The following NDST4 variants were observed in gnomAD, a reference collection of about 807,000 sequenced individuals.
The protein encoded by NDST4 is N-deacetylase and N-sulfotransferase 4.
NDST4 carries 63 observed loss-of-function variants against 100.8 expected under a neutral mutation model. The ratio of observed to expected loss-of-function variants is 0.62; its 90% confidence interval spans 0.51 to 0.77. NDST4 has a LOEUF of 0.77. Among genes scored for constraint, NDST4 ranks in the 30% least tolerant of loss-of-function variants. The pLI, the probability that NDST4 is intolerant of heterozygous loss-of-function variation, is 0.00. For synonymous variants in NDST4, 377 were observed against 361.8 expected, an observed-to-expected ratio of 1.04 and a Z score of -0.48; for missense variants, 943 against 1,018.4, an observed-to-expected ratio of 0.93 and a Z score of 1.01.
At chr4:115,030,126 A>T (rs1156772273) in intron 2 of NDST4, among the ~76,000 whole-genome samples, 2 of 152,130 alleles carry the variant, frequency 1.3e-5, no homozygotes, top group Non-Finnish European at 2.9e-5. Context: ...AGTGTTGAAA[A>T]CAAGAAGTTT....
rs200801455 is a variant in NDST4 at position 115,013,346 on chromosome 4, C to CATATATATATATATATATAT, written c.979-36092_979-36073dup. 1.1e-3 allele frequency among the ~76,000 whole-genome samples: 70 copies of CATATATATATATATATATAT among 65,280 alleles called. 1 individual carries two copies. The highest frequency in any genetic ancestry group is 2.6e-3 in the African/African-American group (54 of 20,646). The allele number at this position is 65,280 out of a possible 152,430, so 42.8% of individuals were successfully genotyped here. A position where few individuals can be genotyped will look rare whatever the true frequency, so the allele number is the denominator to read the frequency against. ...ATGTACTCCATAAAAATATAAATAC[C>CATATATATATATATATATAT]ATATATATATATATATATATATATA... On this transcript the variant is annotated intron_variant, in intron 2 of 13. Transcript: ENST00000264363.
chr4:115,108,195 C>A (rs1729871617), intron 1 of NDST4, among the ~76,000 whole-genome samples: 2 of 152,030 alleles, frequency 1.3e-5, no homozygotes, highest in Admixed American at 1.3e-4. Flanking sequence ...GGAGCATATG[C>A]ATCTCTGCAT....
At chr4:114,934,304 A>AAAAGTTGAG (rs1725577756) in intron 6 of NDST4, among the ~76,000 whole-genome samples, 1 of 152,002 alleles carries the variant, frequency 6.6e-6, no homozygotes, top group African/African-American at 2.4e-5. Context: ...AAAAAGTTGA[A>AAAAGTTGAG]CTCTTGGGAG....
chr4:114,833,791 T>C, intron 11 of NDST4, 76 bp from the exon 12 acceptor site: 2 of 857,856 alleles, frequency 2.3e-6, no homozygotes, highest in Non-Finnish European at 3.7e-6. Context: ...CTTTACCTGG[T>C]GTGACATTCA....
intron 2 of NDST4, among the ~76,000 whole-genome samples, chr4:115,026,766 G>A (rs545645268): frequency 3.9e-5 from 6 of 152,126 alleles, no homozygotes; most frequent in African/African-American, 1.4e-4. Context: ...GAAGGTTATT[G>A]TACAGCATAG....
At chr4:114,965,872 A>T (rs1726368695) in intron 4 of NDST4, among the ~76,000 whole-genome samples, 1 of 151,930 alleles carries the variant, frequency 6.6e-6, no homozygotes, top group Admixed American at 6.6e-5. Flanking sequence ...ATTGGGAATA[A>T]GTTTTGGTAA....
intron 7 of NDST4, among the ~76,000 whole-genome samples, chr4:114,854,668 C>T (rs993012404): frequency 6.6e-6 from 1 of 152,140 alleles, no homozygotes; most frequent in African/African-American, 2.4e-5. Context: ...CGGGGTTTCA[C>T]TATGTTAGCC....
At chr4:114,897,578 T>A (rs971927316) in intron 6 of NDST4, among the ~76,000 whole-genome samples, 1 of 152,194 alleles carries the variant, frequency 6.6e-6, no homozygotes, top group Non-Finnish European at 1.5e-5. Context: ...TTTTCAGCTT[T>A]CACTGGTAAA....
Position 114,843,047 on chromosome 4 carries a change from AATCATAT to A in NDST4, c.2115+2769_2115+2775del, listed in dbSNP as rs915859505. 4.1e-4 allele frequency among the ~76,000 whole-genome samples: 62 copies of A among 152,300 alleles called. 1 individual carries two copies. The highest frequency in any genetic ancestry group is 1.3e-3 in the African/African-American group (56 of 41,562). The stretch of plus-strand genomic sequence containing the variant: ...ATATGATGTAGTACTAGACTCATCA[AATCATAT>A]ATCATATATCATATGATATAGTACT... On this transcript the variant is annotated intron_variant, in intron 10 of 13. Coordinates refer to ENST00000264363, the MANE Select transcript of NDST4 (RefSeq NM_022569.3).
At chr4:114,828,949 C>A (rs572808811) in intron 13 of NDST4, among the ~76,000 whole-genome samples, 1 of 151,974 alleles carries the variant, frequency 6.6e-6, no homozygotes, top group Non-Finnish European at 1.5e-5. Context: ...TTCCCTTAAA[C>A]CAGATTGTAA....
chr4:114,910,460 C>A (rs1039624820), intron 6 of NDST4, among the ~76,000 whole-genome samples: 3 of 152,154 alleles, frequency 2.0e-5, no homozygotes, highest in Admixed American at 1.3e-4. Context: ...ACAGTAGTAG[C>A]TCATTCTTTG....
intron 11 of NDST4, among the ~76,000 whole-genome samples, chr4:114,834,312 G>A (rs567910989): frequency 2.8e-4 from 42 of 152,076 alleles, no homozygotes; most frequent in Admixed American, 5.2e-4. Context: ...TCAGGAGTTC[G>A]AGACCAGCCT....
intron 2 of NDST4, among the ~76,000 whole-genome samples, chr4:114,987,403 T>C (rs556785134): frequency 3.9e-5 from 6 of 152,260 alleles, no homozygotes; most frequent in Middle Eastern, 3.4e-3. Context: ...ATACTTTGCA[T>C]TGCATGTGGA....
intron 11 of NDST4, among the ~76,000 whole-genome samples, chr4:114,838,838 A>T (rs1162753926): frequency 6.6e-6 from 1 of 151,960 alleles, no homozygotes; most frequent in Non-Finnish European, 1.5e-5. Context: ...TACAAAAAAA[A>T]ATATATGGAT....
At position 114,845,913 on chromosome 4, in the gene NDST4, T is replaced by G; in HGVS notation, c.2025A>C (p.Glu675Asp). ...CAAGAGATGCGGCTCGTCTTGGAGC[T>G]TCTTCCGAATGGAAGTAATTAGCAC... ...EKSANYFHSE[E>D]APRRAASLVP... is the part of the protein sequence containing the mutation. Residue 675 changes from glutamate to aspartate, a missense_variant, in exon 10 of 14, where the codon GAA (glutamate) becomes GAC (aspartate). Transcript: ENST00000264363. 2.5e-6 allele frequency: 4 copies of G among 1,614,120 alleles called. No homozygotes were observed. The highest frequency in any genetic ancestry group is 3.4e-6 in the Non-Finnish European group (4 of 1,179,978).
chr4:115,064,177 A>G (rs1173623039), intron 2 of NDST4, among the ~76,000 whole-genome samples: 2 of 152,044 alleles, frequency 1.3e-5, no homozygotes, highest in African/African-American at 2.4e-5. Context: ...TGAAAAGTAT[A>G]TTTTTAAAAA....
chr4:115,033,256 C>T (rs1486313711), intron 2 of NDST4, among the ~76,000 whole-genome samples: 1 of 149,034 alleles, frequency 6.7e-6, no homozygotes, highest in Non-Finnish European at 1.5e-5. Context: ...CAGGCTCAAG[C>T]ATTCAGCCTC....
intron 2 of NDST4, among the ~76,000 whole-genome samples, chr4:115,071,515 A>C (rs1325564150): frequency 1.3e-5 from 2 of 152,136 alleles, no homozygotes; most frequent in African/African-American, 4.8e-5. Flanking sequence ...CATACCTTGA[A>C]ATAGGGATGA....
intron 2 of NDST4, among the ~76,000 whole-genome samples, chr4:115,059,600 A>AT (rs1728775324): frequency 6.6e-6 from 1 of 151,996 alleles, no homozygotes; most frequent in African/African-American, 2.4e-5. Context: ...ACTTTAAAAA[A>AT]TTCTTCTAGA....
Sources: gnomAD v4.1 joint callset for allele counts (sites outside exome capture counted in the v4.1 genomes callset) on GRCh38, gnomAD v4.1.1 for gene constraint, MANE v1.5 for transcripts, NCBI Gene and HGNC (gene_info 2026-07-23, HGNC 2026-07-21) for gene names.